The following SLC5A1 variants were observed in gnomAD, a reference collection of about 807,000 sequenced individuals.
SLC5A1 encodes the protein sodium/glucose cotransporter 1.
SLC5A1 carries 42 observed loss-of-function variants against 73.5 expected under a neutral mutation model. That is an observed-to-expected ratio of 0.57 (90% CI 0.45 to 0.74). The LOEUF (loss-of-function observed/expected upper bound fraction) is 0.74, where lower values mean the gene tolerates loss of function less well. SLC5A1 is among the 30% of genes least tolerant of loss of function. The pLI, the probability that SLC5A1 is intolerant of heterozygous loss-of-function variation, is 0.00. For missense variants in SLC5A1, 634 were observed against 855.4 expected, an observed-to-expected ratio of 0.74 and a Z score of 3.23; for synonymous variants, 300 against 317.4, an observed-to-expected ratio of 0.95 and a Z score of 0.58.
intron 2 of SLC5A1, chr22:32,059,254 G>A: frequency 6.1e-6 from 6 of 985,510 alleles, no homozygotes; most frequent in South Asian, 4.7e-5. Flanking sequence ...TTGAAGGCTA[G>A]AAGGTATTTG....
In SLC5A1 at chr22:32,068,543, G is replaced by A. The variant is rs570743274; in HGVS notation, c.420G>A (p.Arg140=). 1.2e-5 allele frequency: 19 copies of A among 1,613,918 alleles called. No homozygotes were observed. The highest frequency in any genetic ancestry group is 1.6e-4 in the Middle Eastern group (1 of 6,082). Residue 140 remains arginine (R), a synonymous_variant, in exon 5 of 15, where the codon CGG becomes CGA. Coordinates refer to ENST00000266088, the MANE Select transcript of SLC5A1 (RefSeq NM_000343.4). ...TGAGGAAGCGGTTTGGAGGCCAGCG[G>A]ATCCAGGTCTACCTTTCCCTTCTGT... is the stretch of plus-strand genomic sequence containing the variant. ...EYLRKRFGGQ[R]IQVYLSLLSL... is the part of the protein sequence containing the mutation.
intron 2 of SLC5A1, among the ~76,000 whole-genome samples, chr22:32,056,628 T>C (rs1408559794): frequency 6.6e-6 from 1 of 151,408 alleles, no homozygotes; most frequent in Non-Finnish European, 1.5e-5. Context: ...AAGGGAGGAG[T>C]CCAGCACAGC....
At chr22:32,055,782 A>T (rs559922604) in intron 2 of SLC5A1, among the ~76,000 whole-genome samples, 1 of 152,224 alleles carries the variant, frequency 6.6e-6, no homozygotes, top group East Asian at 1.9e-4. Context: ...GTGGGCATTA[A>T]ATAAGAAAAA....
rs1307653093 is a variant in SLC5A1 at position 32,111,581 on chromosome 22, T to C, written c.*1368T>C. The C allele has an allele frequency of 2.6e-5, 4 of 152,208 alleles. No homozygotes were observed. The highest frequency in any genetic ancestry group is 9.7e-5 in the African/African-American group (4 of 41,430). 9.4% of individuals were successfully genotyped at this position (152,208 alleles called of 1,614,324 possible). A position where few individuals can be genotyped will look rare whatever the true frequency, so the allele number is the denominator to read the frequency against. On this transcript the variant is annotated 3_prime_UTR_variant, in exon 15 of 15. Transcript: ENST00000266088. The stretch of plus-strand genomic sequence containing the variant: ...TGAAAAAGGTAAACGGAAGCAGTTA[T>C]TGTGCAGCAAAAGGAAAAAGAATTA...
rs150117594 is a variant in SLC5A1 at position 32,083,115 on chromosome 22, G to T, written c.625G>T (p.Val209Leu). 1.7e-3 allele frequency: 2,686 copies of T among 1,614,218 alleles called. 14 individuals carry two copies. Among genetic ancestry groups the T allele is most frequent in the Non-Finnish European group, 1.7e-3 (1,992 of 1,180,038 alleles). ...GATTTACACGGACACCTTGCAGACG[G>T]TGATCATGCTGGTGGGGTCTTTAAT... is the stretch of plus-strand genomic sequence containing the variant. ...AVIYTDTLQT[V>L]IMLVGSLILT... Residue 209 changes from valine (V) to leucine (L), a missense_variant, in exon 7 of 15, where the codon GTG (valine) becomes TTG (leucine). This residue lies in a region of SLC5A1 where 422 missense variants were observed against 626.1 expected (regional missense o/e 0.67). Transcript: ENST00000266088.
At chr22:32,078,181 G>A (rs1315746329) in intron 5 of SLC5A1, among the ~76,000 whole-genome samples, 2 of 152,096 alleles carry the variant, frequency 1.3e-5, no homozygotes, top group Non-Finnish European at 2.9e-5. Context: ...AAAATCCTCT[G>A]GTGGACAAAA....
At chr22:32,066,402 A>C (rs551997891) in intron 2 of SLC5A1, among the ~76,000 whole-genome samples, 47 of 152,318 alleles carry the variant, frequency 3.1e-4, no homozygotes, top group African/African-American at 1.0e-3. Flanking sequence ...ATAGCTAGGA[A>C]TCACTTGCAA....
chr22:32,052,967 C>A (rs796266676), intron 2 of SLC5A1, among the ~76,000 whole-genome samples: 5 of 152,260 alleles, frequency 3.3e-5, no homozygotes, highest in African/African-American at 1.2e-4. Context: ...TCAAAGCCTG[C>A]CTCCAGCAGT....
Position 32,086,286 on chromosome 22 carries a change from A to G in SLC5A1, c.1088A>G (p.Asn363Ser). Reference sequence around the variant, plus strand: ...TGCGGTACCAAGGTTGGCTGTACCAACATCGCCTATCCAACCTTAGTGGTG... The same window carrying G: ...TGCGGTACCAAGGTTGGCTGTACCAGCATCGCCTATCCAACCTTAGTGGTG... ...KYCGTKVGCTNIAYPTLVVEL... is the reference protein window; with the variant it reads ...KYCGTKVGCTSIAYPTLVVEL... The change falls in exon 10 of 15, where the codon AAC (asparagine) becomes AGC (serine). Residue 363 changes from asparagine (N) to serine (S), a missense_variant. Around this residue, in one of 3 missense-constraint regions of SLC5A1, gnomAD observed 422 missense variants for 626.1 expected, o/e 0.67. Transcript: ENST00000266088. 1.9e-6 allele frequency: 3 copies of G among 1,614,004 alleles called. No homozygotes were observed. Among genetic ancestry groups the G allele is most frequent in the Non-Finnish European group, 1.7e-6 (2 of 1,179,850 alleles).
chr22:32,085,567 C>G (rs1310956700), intron 9 of SLC5A1, among the ~76,000 whole-genome samples: 2 of 62,258 alleles, frequency 3.2e-5, no homozygotes, highest in Admixed American at 3.8e-4. Flanking sequence ...TTTTTTTTTT[C>G]AAATCTTCTA....
At chr22:32,046,154 G>A (rs2093936904) in intron 1 of SLC5A1, among the ~76,000 whole-genome samples, 1 of 152,196 alleles carries the variant, frequency 6.6e-6, no homozygotes, top group Non-Finnish European at 1.5e-5. Flanking sequence ...TTTTACAGAT[G>A]AGGATCGGAG....
At chr22:32,109,074 G>A (rs936862266) in intron 14 of SLC5A1, among the ~76,000 whole-genome samples, 6 of 152,114 alleles carry the variant, frequency 3.9e-5, no homozygotes, top group East Asian at 1.9e-4. Flanking sequence ...TAAGGAGACC[G>A]AGGTGGGGGG....
At chr22:32,079,152 A>C (rs543355669) in intron 5 of SLC5A1, among the ~76,000 whole-genome samples, 44 of 152,260 alleles carry the variant, frequency 2.9e-4, no homozygotes, top group African/African-American at 9.9e-4. Flanking sequence ...ACAAAAAAAA[A>C]CAACCCTAGT....
intron 14 of SLC5A1, 137 bp from the exon 15 acceptor site, chr22:32,109,853 G>C (rs2094052996): frequency 1.5e-6 from 1 of 679,984 alleles, no homozygotes. Flanking sequence ...GAAAATATGG[G>C]GGAAATTTGG....
At position 32,102,739 on chromosome 22, in the gene SLC5A1, C is replaced by T. The variant is rs574583762; in HGVS notation, c.1665+502C>T. Reference sequence around the variant, plus strand: ...CTCCATTCCCTGCTACCCTTCCTGGCCTCGGTAACCATCAATCTACTCTCT... The same window carrying T: ...CTCCATTCCCTGCTACCCTTCCTGGTCTCGGTAACCATCAATCTACTCTCT... On this transcript the variant is annotated intron_variant, in intron 13 of 14. Coordinates refer to ENST00000266088, the MANE Select transcript of SLC5A1 (RefSeq NM_000343.4). Among the ~76,000 whole-genome samples the T allele has an allele frequency of 3.9e-5, 6 of 152,310 alleles. No individual in the cohort carries two copies. In the East Asian group the frequency reaches 9.6e-4, roughly 24 times the overall value.
At chr22:32,067,126 A>C (rs2093974799) in intron 3 of SLC5A1, 87 bp downstream of exon 3, 3 of 1,125,982 alleles carry the variant, frequency 2.7e-6, no homozygotes, top group Non-Finnish European at 4.0e-6. Context: ...GGAGCTGAAG[A>C]TGTTAGGGAA....
At chr22:32,094,529 G>A (rs1306714412) in intron 11 of SLC5A1, among the ~76,000 whole-genome samples, 1 of 152,110 alleles carries the variant, frequency 6.6e-6, no homozygotes, top group Non-Finnish European at 1.5e-5. Flanking sequence ...CTTGCTAATG[G>A]TCTGTTCAGG....
Position 32,112,319 on chromosome 22 carries a change from C to G in SLC5A1, c.*2106C>G, listed in dbSNP as rs552839764. 7.2e-5 allele frequency: 11 copies of G among 152,146 alleles called. No individual in the cohort carries two copies. The highest frequency in any genetic ancestry group is 2.7e-4 in the African/African-American group (11 of 41,486). 9.4% of individuals were successfully genotyped at this position (152,146 alleles called of 1,614,324 possible). A position where few individuals can be genotyped will look rare whatever the true frequency, so the allele number is the denominator to read the frequency against. On this transcript the variant is annotated 3_prime_UTR_variant, in exon 15 of 15. Coordinates refer to ENST00000266088, the MANE Select transcript of SLC5A1 (RefSeq NM_000343.4). ...AGCAGGGAGGAGGGACTGTCAACCC[C>G]TACACCATGACCACCAAGTTCCTCA... is the stretch of plus-strand genomic sequence containing the variant.
intron 10 of SLC5A1, among the ~76,000 whole-genome samples, chr22:32,088,869 A>C (rs1316531623): frequency 6.6e-6 from 1 of 151,854 alleles, no homozygotes; most frequent in Non-Finnish European, 1.5e-5. Context: ...TCCTCCACTC[A>C]GCAAGTAGGT....
Sources: gnomAD v4.1 joint callset for allele counts (sites outside exome capture counted in the v4.1 genomes callset) on GRCh38, gnomAD v4.1.1 for gene constraint, gnomAD v4.1.1 regional missense constraint, MANE v1.5 for transcripts, NCBI Gene and HGNC (gene_info 2026-07-23, HGNC 2026-07-21) for gene names.